The following SBF2 variants were observed in gnomAD, a reference collection of about 807,000 sequenced individuals.
The protein encoded by SBF2 is SET binding factor 2.
A neutral mutation model predicts 225.2 loss-of-function variants in SBF2; 112 were observed. That is an observed-to-expected ratio of 0.50 (90% CI 0.43 to 0.58). The LOEUF is 0.58. SBF2 is among the 20% of genes least tolerant of loss of function. SBF2 has a pLI of 0.00. For missense variants in SBF2, 1,996 were observed against 2,206.2 expected (o/e 0.90, Z 1.91); for synonymous variants, 763 against 773.3 (o/e 0.99, Z 0.22).
At chr11:10,078,907 T>C (rs954330617) in intron 2 of SBF2, among the ~76,000 whole-genome samples, 2 of 152,198 alleles carry the variant, frequency 1.3e-5, no homozygotes, top group Non-Finnish European at 2.9e-5. Context: ...CCTTACATTA[T>C]GACTGCAACT....
chr11:10,270,612 T>C (rs1962392567), intron 1 of SBF2, among the ~76,000 whole-genome samples: 2 of 152,268 alleles, frequency 1.3e-5, no homozygotes, highest in African/African-American at 2.4e-5. Flanking sequence ...CAACTGTATA[T>C]AGAACATGGA....
intron 17 of SBF2, among the ~76,000 whole-genome samples, chr11:9,890,007 G>A (rs748443102): frequency 2.6e-5 from 4 of 152,188 alleles, no homozygotes; most frequent in Non-Finnish European, 4.4e-5. Flanking sequence ...AGGTTCAACA[G>A]ATTCTTCTGT....
At chr11:9,924,732 G>C (rs200602292) in intron 16 of SBF2, among the ~76,000 whole-genome samples, 3 of 149,718 alleles carry the variant, frequency 2.0e-5, no homozygotes, top group Non-Finnish European at 4.5e-5. Flanking sequence ...ACGCCCAGTC[G>C]CATTTTCTTA....
intron 2 of SBF2, among the ~76,000 whole-genome samples, chr11:10,114,274 T>C (rs1953026685): frequency 1.3e-5 from 2 of 152,158 alleles, no homozygotes; most frequent in African/African-American, 4.8e-5. Context: ...TATTTGTATA[T>C]ACTTTATTTG....
rs1381516043 is a variant in SBF2 at position 9,780,225 on chromosome 11, C to T, written c.*193G>A. 4.7e-6 allele frequency: 3 copies of T among 635,782 alleles called. No individual in the cohort carries two copies. The highest frequency in any genetic ancestry group is 3.6e-5 in the African/African-American group (2 of 55,344). 39.4% of individuals were successfully genotyped at this position (635,782 alleles called of 1,614,324 possible). A position where few individuals can be genotyped will look rare whatever the true frequency, so the allele number is the denominator to read the frequency against. ...TGCAAGATACAGGGAGTGCATGGGG[C>T]TGTTGACCAGACCTGTGTGAAACAC... On this transcript the variant is annotated 3_prime_UTR_variant, in exon 40 of 40. Coordinates refer to ENST00000256190, the MANE Select transcript of SBF2 (RefSeq NM_030962.4).
chr11:10,284,264 T>C (rs1963598823), intron 1 of SBF2, among the ~76,000 whole-genome samples: 1 of 152,232 alleles, frequency 6.6e-6, no homozygotes, highest in African/African-American at 2.4e-5. Flanking sequence ...GTTTTACCTA[T>C]ACTCATTTGT....
At chr11:9,898,818 T>C (rs1861483335) in intron 16 of SBF2, among the ~76,000 whole-genome samples, 2 of 152,204 alleles carry the variant, frequency 1.3e-5, no homozygotes, top group Admixed American at 6.5e-5. Flanking sequence ...TAATTCATCC[T>C]ATTGAATAAA....
At chr11:10,126,139 A>C (rs1404211650) in intron 2 of SBF2, among the ~76,000 whole-genome samples, 1 of 152,164 alleles carries the variant, frequency 6.6e-6, no homozygotes, top group Non-Finnish European at 1.5e-5. Context: ...ATTTTATTTT[A>C]AAATGTAATT....
At chr11:10,273,644 T>A (rs1962719697) in intron 1 of SBF2, among the ~76,000 whole-genome samples, 1 of 152,258 alleles carries the variant, frequency 6.6e-6, no homozygotes, top group African/African-American at 2.4e-5. Flanking sequence ...CCCACACTGC[T>A]GTATGTGTGT....
At chr11:9,830,070 C>G (rs1263226528) in intron 27 of SBF2, among the ~76,000 whole-genome samples, 2 of 152,342 alleles carry the variant, frequency 1.3e-5, no homozygotes, top group Admixed American at 1.3e-4. Flanking sequence ...CAACTACTGC[C>G]AATCCCTGGT....
intron 26 of SBF2, chr11:9,838,559 A>C (rs990686102): frequency 6.6e-6 from 1 of 152,210 alleles, no homozygotes; most frequent in Non-Finnish European, 1.5e-5. Context: ...CACAATCTCA[A>C]AACTATATTC....
chr11:9,951,230 C>T (rs946472869), intron 16 of SBF2, among the ~76,000 whole-genome samples: 2 of 152,082 alleles, frequency 1.3e-5, no homozygotes, highest in East Asian at 1.9e-4. Flanking sequence ...CAGCAGTGAA[C>T]GATGAGACTG....
chr11:9,908,397 G>A (rs907066190), intron 16 of SBF2, among the ~76,000 whole-genome samples: 9 of 152,236 alleles, frequency 5.9e-5, no homozygotes, highest in Non-Finnish European at 1.0e-4. Flanking sequence ...AGGCCGAGGC[G>A]GGTAGATCAC....
chr11:10,211,383 C>G lies in SBF2; in HGVS notation c.56-17396G>C, dbSNP rs376485746. Among the ~76,000 whole-genome samples, 96 of 152,232 alleles carry G rather than the reference C, an allele frequency of 6.3e-4. No homozygotes were observed. In the South Asian group the frequency reaches 0.02, roughly 31 times the overall value. On this transcript the variant is annotated intron_variant, in intron 1 of 39. Transcript: ENST00000256190. The stretch of plus-strand genomic sequence containing the variant: ...ATCCTGACTTCAAACCCAGAGAGAC[C>G]CACCAGTTACTGTACTTCTTTTTGG...
chr11:10,115,811 T>C (rs1203483169), intron 2 of SBF2, among the ~76,000 whole-genome samples: 2 of 152,208 alleles, frequency 1.3e-5, no homozygotes, highest in Admixed American at 1.3e-4. Context: ...GGAAACTTTC[T>C]GATGATCAGG....
chr11:10,131,427 T>C (rs751603547), intron 2 of SBF2, among the ~76,000 whole-genome samples: 86 of 151,814 alleles, frequency 5.7e-4, no homozygotes, highest in East Asian at 1.2e-3. Context: ...TTAAAAAAGA[T>C]TGTGATTTGA....
At chr11:9,917,078 C>A (rs1156389078) in intron 16 of SBF2, among the ~76,000 whole-genome samples, 3 of 151,442 alleles carry the variant, frequency 2.0e-5, no homozygotes, top group Admixed American at 6.6e-5. Context: ...AAAAAACTCA[C>A]AAACTTCCAT....
intron 17 of SBF2, among the ~76,000 whole-genome samples, chr11:9,887,121 T>C (rs910876135): frequency 1.5e-4 from 23 of 151,966 alleles, no homozygotes; most frequent in Non-Finnish European, 2.6e-4. Flanking sequence ...CAAACCTTTT[T>C]TTCATCATAT....
At chr11:10,009,670 T>C (rs576474225) in intron 6 of SBF2, among the ~76,000 whole-genome samples, 1 of 152,238 alleles carries the variant, frequency 6.6e-6, no homozygotes, top group Non-Finnish European at 1.5e-5. Flanking sequence ...TGATGGACAT[T>C]TGGGTGGGTT....
Sources: allele counts gnomAD v4.1 joint callset (sites outside exome capture counted in the v4.1 genomes callset), GRCh38; gene constraint gnomAD v4.1.1; transcripts MANE v1.5; gene names NCBI Gene and HGNC (gene_info 2026-07-23, HGNC 2026-07-21).